ANK3: variants seen among roughly 807,000 people sequenced by gnomAD.
The protein encoded by ANK3 is ankyrin-3.
In ANK3, 57 loss-of-function variants were observed where a neutral mutation model predicts 370.9. The ratio of observed to expected loss-of-function variants is 0.15; its 90% CI spans 0.12 to 0.19. ANK3 has a LOEUF of 0.19. Ranked by LOEUF, ANK3 falls within the 10% of genes least tolerant of loss-of-function variation. The pLI is 1.00. For synonymous variants in ANK3, 1,929 were observed against 1,946.3 expected, an observed-to-expected ratio of 0.99 and a Z score of 0.23; for missense variants, 4,439 against 5,302.1, an observed-to-expected ratio of 0.84 and a Z score of 5.06.
intron 16 of ANK3, among the ~76,000 whole-genome samples, 153 bp from the exon 17 acceptor site, chr10:60,187,065 C>T (rs573850829): frequency 5.3e-5 from 8 of 152,298 alleles, no homozygotes; most frequent in African/African-American, 1.2e-4. Context: ...CCAAGTGGTA[C>T]ATGAATATAG....
chr10:60,134,301 A>C lies in ANK3; in HGVS notation c.2811T>G (p.Ile937Met). The part of the protein sequence containing the change: ...RSSYARDSMM[I>M]EELLVPSKEQ... ...CTTTGGATGGCACAAGGAGTTCTTC[A>C]ATCATCATGCTGTCCCGTGCATAGG... is the stretch of plus-strand genomic sequence containing the variant. The change falls in exon 25 of 44, where the codon ATT (isoleucine) becomes ATG (methionine). Residue 937 changes from isoleucine (I) to methionine (M), a missense_variant. Coordinates refer to ENST00000280772, the MANE Select transcript of ANK3 (RefSeq NM_020987.5). 6.2e-7 allele frequency: 1 copy of C among 1,613,962 alleles called. No homozygotes were observed. The highest frequency in any genetic ancestry group is 1.3e-5 in the African/African-American group (1 of 75,054).
chr10:60,566,804 G>A (rs1052052411), intron 2 of ANK3, among the ~76,000 whole-genome samples: 3 of 152,210 alleles, frequency 2.0e-5, no homozygotes, highest in African/African-American at 7.2e-5. Flanking sequence ...GAACCCAGGA[G>A]TTTGAGGCTG....
chr10:60,176,533 C>T lies in ANK3; in HGVS notation c.2185-3347G>A, dbSNP rs961935642. On this transcript the variant is annotated intron_variant, in intron 18 of 43. Coordinates refer to ENST00000280772, the MANE Select transcript of ANK3 (RefSeq NM_020987.5). ...TCCCAGCACTTTTGGAGGCCGAGGC[C>T]GGCGGATCACCCGAGGTCAGGAGCT... Among the ~76,000 whole-genome samples the T allele has an allele frequency of 7.2e-5, 11 of 151,938 alleles. No individual in the cohort carries two copies. The East Asian group carries it at 7.7e-4, about 11-fold the overall frequency.
At position 60,321,699 on chromosome 10, in the gene ANK3, G is replaced by A. The variant is rs570235696; in HGVS notation, c.115-42060C>T. Among the ~76,000 whole-genome samples, 205 of 152,304 alleles carry A rather than the reference G, an allele frequency of 1.3e-3. 1 individual carries two copies. Among genetic ancestry groups the A allele is most frequent in the African/African-American group, 4.4e-3 (185 of 41,582 alleles). ...ATATAACTTTGCCCATGGTCACACC[G>A]CAGAAGTGGGTGTCAAAGCTGGGGC... On this transcript the variant is annotated intron_variant, in intron 1 of 43. Transcript: ENST00000280772.
At chr10:60,308,694 C>T (rs1319096423) in intron 1 of ANK3, among the ~76,000 whole-genome samples, 2 of 152,092 alleles carry the variant, frequency 1.3e-5, no homozygotes, top group Non-Finnish European at 2.9e-5. Context: ...TCTCTCCCAT[C>T]CCTCAGGTCC....
intron 1 of ANK3, among the ~76,000 whole-genome samples, chr10:60,330,549 T>C (rs768961148): frequency 5.9e-5 from 9 of 151,722 alleles, no homozygotes; most frequent in South Asian, 4.2e-4. Flanking sequence ...GTTAGAAAAA[T>C]GCAAATCAAA....
intron 1 of ANK3, among the ~76,000 whole-genome samples, chr10:60,386,664 A>T (rs2062380226): frequency 6.6e-6 from 1 of 152,122 alleles, no homozygotes. Context: ...CTACATATGT[A>T]TTATGATTTC....
chr10:60,462,431 A>G (rs2064908206), intron 2 of ANK3, among the ~76,000 whole-genome samples: 1 of 152,106 alleles, frequency 6.6e-6, no homozygotes, highest in Non-Finnish European at 1.5e-5. Context: ...TTACTGCTAT[A>G]TACGTGTTTA....
At chr10:60,560,054 T>C (rs545508056) in intron 2 of ANK3, among the ~76,000 whole-genome samples, 1 of 151,864 alleles carries the variant, frequency 6.6e-6, no homozygotes, top group South Asian at 2.1e-4. Context: ...GATAGATAGA[T>C]AGATAGATGG....
intron 41 of ANK3, among the ~76,000 whole-genome samples, chr10:60,058,143 C>T (rs2079571724): frequency 6.6e-6 from 1 of 152,184 alleles, no homozygotes; most frequent in Non-Finnish European, 1.5e-5. Flanking sequence ...AGACATGATA[C>T]ATCCTCTCTT....
At chr10:60,442,244 C>T (rs1040259352) in intron 2 of ANK3, among the ~76,000 whole-genome samples, 1 of 151,698 alleles carries the variant, frequency 6.6e-6, no homozygotes, top group East Asian at 1.9e-4. Context: ...TATAGGTGCA[C>T]GCCACCACGC....
rs372579725 is a variant in ANK3, at chr10:60,389,573, G to A, written c.-35C>T. ...AAAAAGATCCTCTCAAGCACACACG[G>A]CTTCCTTGTAAAAGGTGATATCCTC... On this transcript the variant is annotated 5_prime_UTR_variant, in exon 1 of 44. Coordinates refer to ENST00000280772, the MANE Select transcript of ANK3 (RefSeq NM_020987.5). The A allele has an allele frequency of 5.8e-5, 93 of 1,608,946 alleles. No individual in the cohort carries two copies. Among genetic ancestry groups the A allele is most frequent in the Non-Finnish European group, 7.2e-5 (85 of 1,178,618 alleles).
chr10:60,488,167 A>C (rs926449922), intron 2 of ANK3, among the ~76,000 whole-genome samples: 1 of 152,208 alleles, frequency 6.6e-6, no homozygotes, highest in Admixed American at 6.5e-5. Context: ...GTGTTTAATT[A>C]AATGAGATAG....
intron 21 of ANK3, among the ~76,000 whole-genome samples, chr10:60,170,559 A>G (rs1394899996): frequency 6.6e-6 from 1 of 152,140 alleles, no homozygotes; most frequent in East Asian, 1.9e-4. Context: ...CAACGTGAAC[A>G]CTTCTTTTGG....
At chr10:60,604,091 A>G (rs2078099951) in intron 2 of ANK3, among the ~76,000 whole-genome samples, 1 of 152,150 alleles carries the variant, frequency 6.6e-6, no homozygotes, top group African/African-American at 2.4e-5. Flanking sequence ...AAAGTTTTAA[A>G]TGATCTTGTA....
At chr10:60,311,915 A>G (rs1466784777) in intron 1 of ANK3, among the ~76,000 whole-genome samples, 1 of 152,110 alleles carries the variant, frequency 6.6e-6, no homozygotes, top group African/African-American at 2.4e-5. Flanking sequence ...TTTCTCACTT[A>G]TTACTGGTTC....
At chr10:60,304,618 G>A (rs1230669124) in intron 1 of ANK3, among the ~76,000 whole-genome samples, 1 of 152,114 alleles carries the variant, frequency 6.6e-6, no homozygotes, top group Non-Finnish European at 1.5e-5. Context: ...ACTCTAGCCT[G>A]GGTGACAGAG....
intron 43 of ANK3, among the ~76,000 whole-genome samples, chr10:60,042,374 T>C (rs575446020): frequency 1.3e-5 from 2 of 152,358 alleles, no homozygotes; most frequent in South Asian, 4.1e-4. Flanking sequence ...GGCTATTGTA[T>C]TTCATAGTGA....
rs141938335 is a variant in ANK3 at position 60,039,170 on chromosome 10, A to G, written c.*19+3502T>C. On this transcript the variant is annotated intron_variant, in intron 43 of 43. Coordinates refer to ENST00000280772, the MANE Select transcript of ANK3 (RefSeq NM_020987.5). ...CTTTAAGCCAGGCAGATGGCCAAAT[A>G]TTCTTTGAAGAAATAAATGAAATGG... Among the ~76,000 whole-genome samples the G allele has an allele frequency of 4.4e-4, 67 of 152,348 alleles. 4 individuals are homozygous for G. Among genetic ancestry groups the G allele is most frequent in the African/African-American group, 1.5e-3 (63 of 41,580 alleles).
Sources: allele counts gnomAD v4.1 joint callset (sites outside exome capture counted in the v4.1 genomes callset), GRCh38; gene constraint gnomAD v4.1.1; transcripts MANE v1.5; gene names NCBI Gene and HGNC (gene_info 2026-07-23, HGNC 2026-07-21).